Variants in SH2B2 observed in about 807,000 individuals in gnomAD.
SH2B2 encodes the protein SH2B adaptor protein 2.
In SH2B2, 37 loss-of-function variants were observed where a neutral mutation model predicts 35.7. The ratio of observed to expected loss-of-function variants is 1.04; its 90% CI spans 0.80 to 1.36. The LOEUF is 1.36. SH2B2 is among the 40% of genes most tolerant of loss of function. The probability of loss-of-function intolerance (pLI) is 0.00; values close to 1 mark genes in which losing one functional copy is unlikely to be tolerated. For synonymous variants in SH2B2, 383 were observed against 376.4 expected (o/e 1.02, Z -0.20); for missense variants, 852 against 817.7 (o/e 1.04, Z -0.51).
At chr7:102,319,308 G>A (rs1488995545) in intron 7 of SH2B2, among the ~76,000 whole-genome samples, 1 of 152,232 alleles carries the variant, frequency 6.6e-6, no homozygotes, top group Non-Finnish European at 1.5e-5. Flanking sequence ...GTTTCTTTCG[G>A]GCTGAGTCCC....
Position 102,321,300 on chromosome 7 carries a change from G to A in SH2B2, c.1569G>A (p.Glu523=), listed in dbSNP as rs1205274836. Residue 523 remains glutamate (E), a splice_region_variant and synonymous_variant, in exon 9 of 9, where the codon GAG becomes GAA. Transcript: ENST00000444095. ...SYVRAQDPPP[E]PGPTPPAAPA... is the part of the protein sequence containing the mutation. ...CGCCCTGCCGTCGCCTTGTTGCAGA[G>A]CCGGGCCCCACGCCCCCTGCCGCGC... is the stretch of plus-strand genomic sequence containing the variant. The A allele has an allele frequency of 7.2e-7, 1 of 1,393,770 alleles. No individual in the cohort carries two copies. The highest frequency in any genetic ancestry group is 9.3e-7 in the Non-Finnish European group (1 of 1,079,580). The allele number at this position is 1,393,770 out of a possible 1,614,324, so 86.3% of individuals were successfully genotyped here.
At chr7:102,310,783 A>G (rs1391126472) in intron 4 of SH2B2, among the ~76,000 whole-genome samples, 3 of 152,166 alleles carry the variant, frequency 2.0e-5, no homozygotes, top group African/African-American at 7.2e-5. Flanking sequence ...CTCTTTCCCC[A>G]GCCGCTGTGA....
chr7:102,300,817 C>T lies in SH2B2; in HGVS notation c.267C>T (p.Gly89=). ...TGGTGGCTGGGCCGACGACTCGGGG[C>T]GCGGCCGTGAGCGCAGAGGCCATGG... The part of the protein sequence containing the change: ...RVLVAGPTTR[G]AAVSAEAMEP... Residue 89 remains glycine, a synonymous_variant, in exon 2 of 9, where the codon GGC becomes GGT. Coordinates refer to ENST00000444095, the MANE Select transcript of SH2B2 (RefSeq NM_001359228.2). 4 of 1,481,172 alleles carry T rather than the reference C, an allele frequency of 2.7e-6. No homozygotes were observed. The highest frequency in any genetic ancestry group is 3.6e-6 in the Non-Finnish European group (4 of 1,112,252). 91.8% of individuals were successfully genotyped at this position (1,481,172 alleles called of 1,614,324 possible). A position where few individuals can be genotyped will look rare whatever the true frequency, so the allele number is the denominator to read the frequency against.
At chr7:102,315,744 G>GAAAAAAAAAAAAAA (rs61456197) in intron 6 of SH2B2, among the ~76,000 whole-genome samples, 11 of 90,548 alleles carry the variant, frequency 1.2e-4, no homozygotes, top group South Asian at 4.7e-4. Flanking sequence ...CCTGTGAAAA[G>GAAAAAAAAAAAAAA]AAAAAAAAAA....
chr7:102,319,371 C>T (rs1368012576), intron 7 of SH2B2, among the ~76,000 whole-genome samples: 5 of 152,228 alleles, frequency 3.3e-5, no homozygotes, highest in Middle Eastern at 3.4e-3. Context: ...CTTGTGGGAC[C>T]GCCACCCCGC....
At chr7:102,303,411 T>A (rs2132968482) in intron 2 of SH2B2, among the ~76,000 whole-genome samples, 1 of 152,214 alleles carries the variant, frequency 6.6e-6, no homozygotes, top group South Asian at 2.1e-4. Flanking sequence ...GCCCACTCTG[T>A]CCCTGGGTGC....
At chr7:102,316,356 G>A (rs1554556995) in intron 6 of SH2B2, among the ~76,000 whole-genome samples, 1 of 152,050 alleles carries the variant, frequency 6.6e-6, no homozygotes, top group African/African-American at 2.4e-5. Flanking sequence ...GGGAGGCCAA[G>A]ACGGGCGGAT....
intron 1 of SH2B2, 79 bp downstream of exon 1, chr7:102,287,173 G>C (rs541516639): frequency 1.3e-5 from 2 of 152,208 alleles, no homozygotes; most frequent in African/African-American, 4.8e-5. Context: ...GACGTGCGCT[G>C]TGTGCGCACC....
Sources: allele counts gnomAD v4.1 joint callset (sites outside exome capture counted in the v4.1 genomes callset), GRCh38; gene constraint gnomAD v4.1.1; transcripts MANE v1.5; gene names NCBI Gene and HGNC (gene_info 2026-07-23, HGNC 2026-07-21).